Variants in ATP8B4 observed in about 807,000 individuals in gnomAD.
ATP8B4 encodes the protein ATPase phospholipid transporting 8B4 (putative), also known as probable phospholipid-transporting ATPase IM.
Under a neutral mutation model 145.6 loss-of-function variants are expected in ATP8B4, and 133 were observed. That is an observed-to-expected ratio of 0.91 (90% CI 0.79 to 1.05). The LOEUF is 1.05. Ranked by LOEUF, ATP8B4 falls within the 50% of genes least tolerant of loss-of-function variation. The pLI, the probability that ATP8B4 is intolerant of heterozygous loss-of-function variation, is 0.00. For missense variants in ATP8B4, 1,458 were observed against 1,425.2 expected (o/e 1.02, Z -0.37); for synonymous variants, 507 against 492.9 (o/e 1.03, Z -0.38).
intron 16 of ATP8B4, among the ~76,000 whole-genome samples, chr15:49,924,120 G>A (rs376826774): frequency 4.0e-5 from 6 of 151,732 alleles, no homozygotes; most frequent in African/African-American, 9.7e-5. Flanking sequence ...AGTCTATATC[G>A]GTAGTACTGT....
intron 23 of ATP8B4, chr15:49,880,813 TAA>T (rs970209629): frequency 1.5e-4 from 20 of 132,528 alleles, no homozygotes; most frequent in Non-Finnish European, 2.3e-4. Context: ...AACAACAGGC[TAA>T]AAAAAAAAAA....
intron 23 of ATP8B4, among the ~76,000 whole-genome samples, chr15:49,883,918 T>C (rs2035823204): frequency 1.3e-5 from 2 of 152,196 alleles, no homozygotes; most frequent in African/African-American, 4.8e-5. Flanking sequence ...TTTCACCCCA[T>C]TCTCTCATGA....
intron 1 of ATP8B4, among the ~76,000 whole-genome samples, chr15:50,176,573 T>C (rs1180641096): frequency 1.3e-5 from 2 of 151,680 alleles, no homozygotes; most frequent in Non-Finnish European, 2.9e-5. Flanking sequence ...AATAATAAAA[T>C]CCAAAAAAGA....
chr15:49,921,302 T>A (rs569089122), intron 17 of ATP8B4, among the ~76,000 whole-genome samples: 96 of 152,344 alleles, frequency 6.3e-4, no homozygotes, highest in Admixed American at 1.4e-3. Context: ...AAGGTATTAT[T>A]TTTTAGAAGC....
At chr15:50,087,366 A>T in intron 2 of ATP8B4, among the ~76,000 whole-genome samples, 1 of 141,638 alleles carries the variant, frequency 7.1e-6, no homozygotes, top group East Asian at 2.1e-4. Context: ...TATATATAAT[A>T]AAATAATATA....
intron 20 of ATP8B4, among the ~76,000 whole-genome samples, chr15:49,913,892 A>C (rs1190563496): frequency 6.6e-6 from 1 of 152,194 alleles, no homozygotes; most frequent in Non-Finnish European, 1.5e-5. Context: ...ACAAATGAAA[A>C]GACATTCCAT....
In ATP8B4 at chr15:49,938,207, C is replaced by T. The variant is rs185794919; in HGVS notation, c.1288-4025G>A. Reference sequence around the variant, plus strand: ...GCAATTAAGTACATAGTTTACAGGCCGTGTAGAACTACCACACAATAGAAA... The same window carrying T: ...GCAATTAAGTACATAGTTTACAGGCTGTGTAGAACTACCACACAATAGAAA... On this transcript the variant is annotated intron_variant, in intron 14 of 27. Coordinates refer to ENST00000284509, the MANE Select transcript of ATP8B4 (RefSeq NM_024837.4). 2.8e-3 allele frequency among the ~76,000 whole-genome samples: 423 copies of T among 152,158 alleles called. 4 individuals are homozygous for T. Among genetic ancestry groups the T allele is most frequent in the Non-Finnish European group, 2.1e-3 (142 of 67,996 alleles).
chr15:50,167,599 A>C (rs942357067), intron 1 of ATP8B4, among the ~76,000 whole-genome samples: 3 of 152,170 alleles, frequency 2.0e-5, no homozygotes, highest in African/African-American at 7.2e-5. Flanking sequence ...TCACATTCAC[A>C]GGCTCTGGGT....
At chr15:49,977,103 G>T (rs1186494258) in intron 12 of ATP8B4, among the ~76,000 whole-genome samples, 1 of 152,024 alleles carries the variant, frequency 6.6e-6, no homozygotes, top group African/African-American at 2.4e-5. Flanking sequence ...AGTGTCCTTT[G>T]CTCACCTGGA....
At chr15:50,158,561 G>T (rs1445503785) in intron 1 of ATP8B4, among the ~76,000 whole-genome samples, 2 of 152,206 alleles carry the variant, frequency 1.3e-5, no homozygotes, top group Non-Finnish European at 2.9e-5. Context: ...CTTCTGGGAA[G>T]TGAGGAGCCC....
intron 1 of ATP8B4, among the ~76,000 whole-genome samples, chr15:50,159,988 T>C (rs2044491141): frequency 6.8e-6 from 1 of 146,378 alleles, no homozygotes; most frequent in Admixed American, 7.0e-5. Flanking sequence ...CTTTAAATAT[T>C]TGATAAAATT....
intron 1 of ATP8B4, among the ~76,000 whole-genome samples, chr15:50,151,705 G>A (rs1040413958): frequency 3.9e-5 from 5 of 129,556 alleles, no homozygotes; most frequent in African/African-American, 8.8e-5. Context: ...AGCTGAGATT[G>A]TCTCCAGCCT....
chr15:50,016,255 C>A (rs1166400742), intron 6 of ATP8B4, among the ~76,000 whole-genome samples: 2 of 152,146 alleles, frequency 1.3e-5, no homozygotes, highest in Admixed American at 1.3e-4. Context: ...ACTCTATCTT[C>A]TGTAGATTCT....
At chr15:49,973,040 T>C (rs747282120) in intron 12 of ATP8B4, among the ~76,000 whole-genome samples, 5 of 152,190 alleles carry the variant, frequency 3.3e-5, no homozygotes, top group Non-Finnish European at 5.9e-5. Context: ...GAATGTTTCC[T>C]GGTTTTCTAC....
intron 6 of ATP8B4, among the ~76,000 whole-genome samples, chr15:50,036,631 T>G (rs1220367681): frequency 3.3e-5 from 5 of 152,188 alleles, no homozygotes; most frequent in Non-Finnish European, 7.3e-5. Flanking sequence ...TTAGCAAAAT[T>G]TAACAGGACA....
upstream of ATP8B4, among the ~76,000 whole-genome samples, chr15:50,120,609 G>A (rs891342987): frequency 6.6e-6 from 1 of 152,154 alleles, no homozygotes; most frequent in African/African-American, 2.4e-5. Flanking sequence ...ATTGAAATGT[G>A]TATGTGTTTT....
intron 23 of ATP8B4, among the ~76,000 whole-genome samples, chr15:49,892,737 T>C (rs1333432943): frequency 6.6e-6 from 1 of 152,184 alleles, no homozygotes; most frequent in Admixed American, 6.5e-5. Flanking sequence ...CAAATCTCAT[T>C]GACTCTAAAG....
At chr15:50,134,225 A>G (rs7163385) in intron 1 of ATP8B4, among the ~76,000 whole-genome samples, 2 of 152,168 alleles carry the variant, frequency 1.3e-5, no homozygotes, top group African/African-American at 4.8e-5. Context: ...AAAAGTAAAA[A>G]TAAATAAAAA....
intron 1 of ATP8B4, among the ~76,000 whole-genome samples, chr15:50,110,478 T>C (rs2056885084): frequency 6.6e-6 from 1 of 152,214 alleles, no homozygotes; most frequent in African/African-American, 2.4e-5. Flanking sequence ...CATCTTTCAT[T>C]GAACTTTTGG....
Sources: gnomAD v4.1 joint callset for allele counts (sites outside exome capture counted in the v4.1 genomes callset) on GRCh38, gnomAD v4.1.1 for gene constraint, MANE v1.5 for transcripts, NCBI Gene and HGNC (gene_info 2026-07-23, HGNC 2026-07-21) for gene names.